BAIAP2L1: variants seen among roughly 807,000 people sequenced by gnomAD.
The protein encoded by BAIAP2L1 is BAR/IMD domain-containing adapter protein 2-like 1.
In BAIAP2L1, 35 loss-of-function variants were observed where a neutral mutation model predicts 66.3. The observed-to-expected ratio is 0.53, with a 90% CI of 0.40 to 0.70. The LOEUF (loss-of-function observed/expected upper bound fraction) is 0.70. Among genes scored for constraint, BAIAP2L1 ranks in the 30% least tolerant of loss-of-function variants. The pLI is 0.00. For missense variants in BAIAP2L1, 622 were observed against 656.9 expected (o/e 0.95, Z 0.58); for synonymous variants, 269 against 248.7 (o/e 1.08, Z -0.77).
chr7:98,351,298 C>T (rs1001209761), intron 3 of BAIAP2L1, among the ~76,000 whole-genome samples: 2 of 152,216 alleles, frequency 1.3e-5, no homozygotes, highest in African/African-American at 4.8e-5. Context: ...ACATTTCTAT[C>T]AGTCCTGCCC....
chr7:98,358,877 C>G (rs926109511), intron 2 of BAIAP2L1, among the ~76,000 whole-genome samples: 2 of 152,156 alleles, frequency 1.3e-5, no homozygotes, highest in African/African-American at 4.8e-5. Context: ...CCGGAATTCC[C>G]AGCGTATGTG....
At chr7:98,390,193 G>T (rs1803000068) in intron 1 of BAIAP2L1, among the ~76,000 whole-genome samples, 1 of 151,740 alleles carries the variant, frequency 6.6e-6, no homozygotes, top group African/African-American at 2.4e-5. Context: ...GGGATTACAG[G>T]CATGAGCCAC....
intron 3 of BAIAP2L1, among the ~76,000 whole-genome samples, chr7:98,331,863 G>A (rs568260246): frequency 6.9e-4 from 105 of 152,228 alleles, no homozygotes; most frequent in Non-Finnish European, 1.1e-3. Flanking sequence ...AACCATGCAA[G>A]CAAGAAGAGA....
chr7:98,390,457 A>G (rs968706727), intron 1 of BAIAP2L1, among the ~76,000 whole-genome samples: 3 of 151,738 alleles, frequency 2.0e-5, no homozygotes, highest in Admixed American at 1.3e-4. Flanking sequence ...GGCCGGGTGC[A>G]GTGGCTCACG....
intron 1 of BAIAP2L1, among the ~76,000 whole-genome samples, chr7:98,388,873 C>T (rs1267463490): frequency 6.6e-6 from 1 of 151,684 alleles, no homozygotes; most frequent in African/African-American, 2.4e-5. Context: ...ACTTGGGAGG[C>T]TGAGGCAGGA....
At chr7:98,394,261 A>ACAAACAAAC (rs1562796517) in intron 1 of BAIAP2L1, among the ~76,000 whole-genome samples, 6 of 151,812 alleles carry the variant, frequency 4.0e-5, no homozygotes, top group African/African-American at 1.2e-4. Flanking sequence ...AAACAAACAA[A>ACAAACAAAC]AAAACCCACA....
At chr7:98,301,383 G>A (rs1800412186) in intron 12 of BAIAP2L1, among the ~76,000 whole-genome samples, 4 of 151,862 alleles carry the variant, frequency 2.6e-5, no homozygotes. Flanking sequence ...ATTCTCATGA[G>A]GTATCTGGGG....
intron 1 of BAIAP2L1, among the ~76,000 whole-genome samples, chr7:98,378,842 T>C (rs1802691941): frequency 6.6e-6 from 1 of 151,928 alleles, no homozygotes; most frequent in Non-Finnish European, 1.5e-5. Context: ...TCACTCTTTT[T>C]TTTTTTGAGA....
intron 10 of BAIAP2L1, 34 bp downstream of exon 10, chr7:98,307,655 G>A (rs766062967): frequency 5.6e-6 from 9 of 1,610,526 alleles, no homozygotes; most frequent in Non-Finnish European, 7.6e-6. Context: ...GGGGCCGTCT[G>A]GTGCCCTGCG....
chr7:98,328,478 C>T (rs1299093923), intron 3 of BAIAP2L1, among the ~76,000 whole-genome samples: 1 of 152,030 alleles, frequency 6.6e-6, no homozygotes, highest in Non-Finnish European at 1.5e-5. Flanking sequence ...GCTCCACAGG[C>T]TTCGGTGGGT....
Position 98,327,188 on chromosome 7 carries a change from C to T in BAIAP2L1, c.215-6890G>A, listed in dbSNP as rs551068691. ...CCAACCTGGCCAATATGATGAAACC[C>T]TGTCTCTATTAAAAATATAAAAATT... On this transcript the variant is annotated intron_variant, in intron 3 of 13. Coordinates refer to ENST00000005260, the MANE Select transcript of BAIAP2L1 (RefSeq NM_018842.5). Among the ~76,000 whole-genome samples, 13 of 152,086 alleles carry T rather than the reference C, an allele frequency of 8.5e-5. No individual in the cohort carries two copies. The East Asian group carries it at 2.1e-3, about 25-fold the overall frequency.
At chr7:98,324,132 G>A (rs1801320903) in intron 3 of BAIAP2L1, among the ~76,000 whole-genome samples, 1 of 152,206 alleles carries the variant, frequency 6.6e-6, no homozygotes, top group Admixed American at 6.5e-5. Flanking sequence ...TGCACACTGG[G>A]GCGCCTGCTT....
intron 1 of BAIAP2L1, among the ~76,000 whole-genome samples, chr7:98,364,826 A>C (rs1006118574): frequency 6.6e-6 from 1 of 151,116 alleles, no homozygotes; most frequent in African/African-American, 2.4e-5. Context: ...TCGCTACAAA[A>C]AATAAAAACA....
intron 5 of BAIAP2L1, among the ~76,000 whole-genome samples, chr7:98,318,727 G>A (rs969834489): frequency 2.6e-5 from 4 of 151,422 alleles, no homozygotes; most frequent in African/African-American, 7.3e-5. Flanking sequence ...GGTGCACCAC[G>A]AGGTCAGAAG....
At chr7:98,393,011 A>G (rs987073941) in intron 1 of BAIAP2L1, among the ~76,000 whole-genome samples, 4 of 144,092 alleles carry the variant, frequency 2.8e-5, no homozygotes, top group Admixed American at 7.0e-5. Context: ...ATTTTTGTGT[A>G]TATATATACA....
chr7:98,307,460 G>A, intron 10 of BAIAP2L1: 1 of 1,401,304 alleles, frequency 7.1e-7, no homozygotes, highest in Non-Finnish European at 9.3e-7. Context: ...TCAGACAGGT[G>A]ACTTCATACG....
At chr7:98,378,046 A>C (rs775660807) in intron 1 of BAIAP2L1, among the ~76,000 whole-genome samples, 1 of 151,712 alleles carries the variant, frequency 6.6e-6, no homozygotes, top group Non-Finnish European at 1.5e-5. Flanking sequence ...AACTGTGGGA[A>C]GCTGAGACAG....
intron 12 of BAIAP2L1, among the ~76,000 whole-genome samples, chr7:98,301,020 T>G (rs747141404): frequency 7.2e-5 from 11 of 152,144 alleles, no homozygotes; most frequent in Non-Finnish European, 1.2e-4. Flanking sequence ...TGCGTGGGTC[T>G]CATTCCTCTT....
chr7:98,335,061 G>T (rs1004979224), intron 3 of BAIAP2L1, among the ~76,000 whole-genome samples: 7 of 149,500 alleles, frequency 4.7e-5, no homozygotes, highest in African/African-American at 1.7e-4. Flanking sequence ...TCTGAGGCAG[G>T]AGAATGGTGT....
Sources: gnomAD v4.1 joint callset for allele counts (sites outside exome capture counted in the v4.1 genomes callset) on GRCh38, gnomAD v4.1.1 for gene constraint, MANE v1.5 for transcripts, NCBI Gene and HGNC (gene_info 2026-07-23, HGNC 2026-07-21) for gene names.